The following SEC24A variants were observed in gnomAD, a reference collection of about 807,000 sequenced individuals.
SEC24A encodes the protein protein transport protein Sec24A.
Under a neutral mutation model 129.4 loss-of-function variants are expected in SEC24A, and 93 were observed. The ratio of observed to expected loss-of-function variants is 0.72; its 90% confidence interval spans 0.61 to 0.85. The LOEUF (loss-of-function observed/expected upper bound fraction) is 0.85. SEC24A is among the 40% of genes least tolerant of loss of function. The probability of loss-of-function intolerance (pLI) is 0.00; values close to 1 mark genes in which losing one functional copy is unlikely to be tolerated. For missense variants in SEC24A, 1,264 were observed against 1,307.4 expected (o/e 0.97, Z 0.51); for synonymous variants, 460 against 467.3 (o/e 0.98, Z 0.20).
At chr5:134,698,422 TG>T (rs1304097546) in intron 15 of SEC24A, among the ~76,000 whole-genome samples, 1 of 151,918 alleles carries the variant, frequency 6.6e-6, no homozygotes, top group Non-Finnish European at 1.5e-5. Context: ...TGGACAACAT[TG>T]CAAAATGATG....
rs1561803014 is a variant in SEC24A at position 134,661,424 on chromosome 5, C to T, written c.403C>T (p.Pro135Ser). ...TCTTCCTGAAGCCAACCTGCCACCA[C>T]CTTTGAATTGGCAATATAACTATCC... is the stretch of plus-strand genomic sequence containing the variant. The part of the protein sequence containing the change: ...SFLPEANLPP[P>S]LNWQYNYPST... The change falls in exon 2 of 23, where the codon CCT becomes TCT. Residue 135 changes from proline (P) to serine (S), a missense_variant. Coordinates refer to ENST00000398844, the MANE Select transcript of SEC24A (RefSeq NM_021982.3). 1 of 1,614,074 alleles carries T rather than the reference C, an allele frequency of 6.2e-7. No individual in the cohort carries two copies. The highest frequency in any genetic ancestry group is 1.3e-5 in the African/African-American group (1 of 74,938).
chr5:134,711,563 C>CTTTTT (rs11306983), intron 18 of SEC24A, among the ~76,000 whole-genome samples: 1 of 125,402 alleles, frequency 8.0e-6, no homozygotes, highest in African/African-American at 2.9e-5. Flanking sequence ...TGCTCTGCAT[C>CTTTTT]TTTTTTTTTT....
chr5:134,666,447 C>G (rs1026282783), intron 2 of SEC24A, among the ~76,000 whole-genome samples: 2 of 152,132 alleles, frequency 1.3e-5, no homozygotes, highest in African/African-American at 4.8e-5. Flanking sequence ...GTCCCTCCTA[C>G]TCAGGAGGCT....
chr5:134,698,372 G>C (rs1441261277), intron 15 of SEC24A, among the ~76,000 whole-genome samples: 1 of 152,092 alleles, frequency 6.6e-6, no homozygotes, highest in East Asian at 1.9e-4. Flanking sequence ...GGGAGGCCAA[G>C]GCTGGTGGAT....
At chr5:134,706,981 G>A (rs966410406) in intron 17 of SEC24A, among the ~76,000 whole-genome samples, 3 of 151,996 alleles carry the variant, frequency 2.0e-5, no homozygotes, top group Non-Finnish European at 1.5e-5. Context: ...GAGCCACCAC[G>A]CCTGGCCCTC....
intron 21 of SEC24A, among the ~76,000 whole-genome samples, chr5:134,722,469 C>T (rs1385624636): frequency 6.6e-6 from 1 of 152,094 alleles, no homozygotes; most frequent in Non-Finnish European, 1.5e-5. Context: ...CCCAGCTACT[C>T]TGGAGGCTGA....
intron 11 of SEC24A, among the ~76,000 whole-genome samples, chr5:134,690,696 C>T (rs1426661937): frequency 6.6e-6 from 1 of 152,190 alleles, no homozygotes; most frequent in African/African-American, 2.4e-5. Context: ...CACTCTCTTC[C>T]CAGTTTGCTC....
chr5:134,714,366 T>C (rs1184090023), intron 18 of SEC24A, among the ~76,000 whole-genome samples: 1 of 152,136 alleles, frequency 6.6e-6, no homozygotes, highest in Non-Finnish European at 1.5e-5. Flanking sequence ...AGGTGACCAG[T>C]GGGCGAGGGA....
At chr5:134,722,191 T>C (rs899364019) in intron 21 of SEC24A, among the ~76,000 whole-genome samples, 14 of 151,890 alleles carry the variant, frequency 9.2e-5, no homozygotes, top group African/African-American at 3.1e-4. Context: ...GCTACTTTGG[T>C]GTAACAATGG....
At chr5:134,723,475 G>A in intron 21 of SEC24A, 92 bp from the exon 22 acceptor site, 1 of 785,490 alleles carries the variant, frequency 1.3e-6, no homozygotes. Context: ...GAAAAAAAAT[G>A]TAATTAAAAA....
Position 134,726,470 on chromosome 5 carries a change from G to C in SEC24A, c.*1376G>C, listed in dbSNP as rs974766886. 1 of 152,552 alleles carries C rather than the reference G, an allele frequency of 6.6e-6. No individual in the cohort carries two copies. The highest frequency in any genetic ancestry group is 1.5e-5 in the Non-Finnish European group (1 of 67,994). 9.4% of individuals were successfully genotyped at this position (152,552 alleles called of 1,614,324 possible). A position where few individuals can be genotyped will look rare whatever the true frequency, so the allele number is the denominator to read the frequency against. On this transcript the variant is annotated 3_prime_UTR_variant, in exon 23 of 23. Transcript: ENST00000398844. ...GTCTTATATGATCACCAATGGAATA[G>C]TAACTTCCAGGTTTATATCAATATG...
At chr5:134,671,704 T>G (rs1750869359) in intron 3 of SEC24A, 105 bp from the exon 4 acceptor site, 1 of 682,284 alleles carries the variant, frequency 1.5e-6, no homozygotes, top group Non-Finnish European at 2.4e-6. Flanking sequence ...TTTTAAATTA[T>G]TTGTTGTTTA....
intron 3 of SEC24A, among the ~76,000 whole-genome samples, chr5:134,668,315 G>A (rs868520550): frequency 6.6e-6 from 1 of 151,990 alleles, no homozygotes; most frequent in Non-Finnish European, 1.5e-5. Flanking sequence ...AAGGCCGGGC[G>A]TGGTGGCTCA....
At chr5:134,698,124 T>C (rs1305393416) in intron 15 of SEC24A, 67 bp downstream of exon 15, 2 of 1,300,160 alleles carry the variant, frequency 1.5e-6, no homozygotes, top group East Asian at 4.6e-5. Context: ...TACATGTTTT[T>C]ATCTGGTCTT....
intron 15 of SEC24A, among the ~76,000 whole-genome samples, chr5:134,703,111 G>T (rs1359935183): frequency 1.3e-5 from 2 of 151,780 alleles, no homozygotes; most frequent in East Asian, 1.9e-4. Flanking sequence ...AATTTTTTTT[G>T]CTGTGACACA....
At chr5:134,711,038 A>AG (rs1267952161) in intron 18 of SEC24A, among the ~76,000 whole-genome samples, 1 of 152,210 alleles carries the variant, frequency 6.6e-6, no homozygotes, top group Admixed American at 6.5e-5. Flanking sequence ...TGGGAGGCTG[A>AG]GGCAGGAGAA....
intron 1 of SEC24A, among the ~76,000 whole-genome samples, chr5:134,658,205 A>T (rs546358792): frequency 5.3e-5 from 8 of 152,256 alleles, no homozygotes; most frequent in African/African-American, 1.9e-4. Flanking sequence ...CAGGAGGCGG[A>T]GGTTGCAGTG....
chr5:134,716,609 C>T (rs1263593683), intron 19 of SEC24A, among the ~76,000 whole-genome samples: 3 of 151,596 alleles, frequency 2.0e-5, no homozygotes, highest in African/African-American at 7.3e-5. Flanking sequence ...ACCAGCCTGG[C>T]CAACATGGCG....
intron 11 of SEC24A, among the ~76,000 whole-genome samples, chr5:134,690,340 A>G (rs1751598651): frequency 6.6e-6 from 1 of 152,110 alleles, no homozygotes; most frequent in South Asian, 2.1e-4. Context: ...TTTTAAAGAC[A>G]GAGACTCTTG....
Sources: gnomAD v4.1 joint callset for allele counts (sites outside exome capture counted in the v4.1 genomes callset) on GRCh38, gnomAD v4.1.1 for gene constraint, MANE v1.5 for transcripts, NCBI Gene and HGNC (gene_info 2026-07-23, HGNC 2026-07-21) for gene names.